RAP1GAP2: variants seen among roughly 807,000 people sequenced by gnomAD.
The protein encoded by RAP1GAP2 is rap1 GTPase-activating protein 2.
In RAP1GAP2, 27 loss-of-function variants were observed where a neutral mutation model predicts 95.0. The ratio of observed to expected loss-of-function variants is 0.28; its 90% CI spans 0.21 to 0.39. RAP1GAP2 has a LOEUF of 0.39. Ranked by LOEUF, RAP1GAP2 falls within the 10% of genes least tolerant of loss-of-function variation. The pLI is 1.00. For synonymous variants in RAP1GAP2, 373 were observed against 380.9 expected (o/e 0.98, Z 0.24); for missense variants, 771 against 970.0 (o/e 0.79, Z 2.72).
At chr17:2,993,953 G>A (rs866716020) in intron 12 of RAP1GAP2, among the ~76,000 whole-genome samples, 5 of 152,188 alleles carry the variant, frequency 3.3e-5, no homozygotes, top group South Asian at 2.1e-4. Context: ...GCTGAGGCGA[G>A]GAGGATCGCT....
intron 2 of RAP1GAP2, among the ~76,000 whole-genome samples, chr17:2,851,542 T>C (rs2071847550): frequency 6.6e-6 from 1 of 152,074 alleles, no homozygotes; most frequent in African/African-American, 2.4e-5. Context: ...GGATGGGACC[T>C]CTCACTGCCA....
intron 2 of RAP1GAP2, among the ~76,000 whole-genome samples, chr17:2,849,365 C>G (rs7216529): frequency 0.39 from 58,819 of 152,048 alleles, 11,851 homozygotes; most frequent in African/African-American, 0.46. Context: ...GGTGGGGCGA[C>G]GAGGTGGCGT....
chr17:2,760,165 A>C (rs1597260376), intron 1 of RAP1GAP2, among the ~76,000 whole-genome samples: 2 of 151,182 alleles, frequency 1.3e-5, no homozygotes, highest in East Asian at 2.0e-4. Context: ...TGGTGGCGGG[A>C]GCCTGTAGTC....
At chr17:2,842,767 C>G (rs560449982) in intron 2 of RAP1GAP2, among the ~76,000 whole-genome samples, 4 of 151,936 alleles carry the variant, frequency 2.6e-5, no homozygotes, top group African/African-American at 4.8e-5. Context: ...GTGTCAGGGC[C>G]GAAGGTGGGT....
chr17:3,010,138 G>A (rs1197366856), intron 17 of RAP1GAP2, among the ~76,000 whole-genome samples: 2 of 151,996 alleles, frequency 1.3e-5, no homozygotes, highest in Non-Finnish European at 2.9e-5. Flanking sequence ...TCAGGAGATC[G>A]AGACCATCCT....
chr17:2,782,317 C>T (rs1227106964), intron 1 of RAP1GAP2, among the ~76,000 whole-genome samples: 16 of 152,206 alleles, frequency 1.1e-4, no homozygotes, highest in Non-Finnish European at 2.4e-4. Flanking sequence ...GTGATGGGCT[C>T]AAGCTCTGAG....
chr17:2,841,014 G>A (rs72817393), intron 2 of RAP1GAP2, among the ~76,000 whole-genome samples: 2,286 of 149,668 alleles, frequency 0.015, 26 homozygotes, highest in Non-Finnish European at 0.024. Context: ...AAAAAGACCG[G>A]TGTGGTGGCT....
intron 2 of RAP1GAP2, among the ~76,000 whole-genome samples, chr17:2,771,604 C>G (rs887621526): frequency 1.3e-5 from 2 of 151,546 alleles, no homozygotes; most frequent in East Asian, 3.9e-4. Context: ...ATTCTCCTGC[C>G]TCAGCCTCCC....
chr17:3,018,924 G>A (rs138606987), intron 18 of RAP1GAP2, among the ~76,000 whole-genome samples: 15 of 152,264 alleles, frequency 9.9e-5, no homozygotes, highest in East Asian at 5.8e-4. Flanking sequence ...TTAACTGGGC[G>A]TGGTGGCGGG....
At chr17:2,835,086 A>T (rs2071073078) in intron 2 of RAP1GAP2, among the ~76,000 whole-genome samples, 1 of 149,156 alleles carries the variant, frequency 6.7e-6, no homozygotes, top group Non-Finnish European at 1.5e-5. Context: ...CACCTGGCTA[A>T]TTTTTTTTTG....
chr17:2,815,983 C>A (rs957210281), intron 2 of RAP1GAP2, among the ~76,000 whole-genome samples: 2 of 152,204 alleles, frequency 1.3e-5, no homozygotes, highest in African/African-American at 4.8e-5. Flanking sequence ...GAAGGGCAGA[C>A]GTGTGTGTAC....
chr17:3,008,272 A>T lies in RAP1GAP2; in HGVS notation c.1494+127A>T, dbSNP rs560419317. ...CAGCTGGAGGGGTGACAGGAAACGT[A>T]TGGGTATCCTAGGTGTTTGCAAAGG... On this transcript the variant is annotated intron_variant, in intron 17 of 24. Transcript: ENST00000254695. The surrounding 1 kb of genome is among the most constrained non-coding windows in gnomAD (Gnocchi z 4.2). 2.2e-6 allele frequency: 3 copies of T among 1,384,956 alleles called. No individual in the cohort carries two copies. The highest frequency in any genetic ancestry group is 3.0e-6 in the Non-Finnish European group (3 of 1,008,870). The allele number at this position is 1,384,956 out of a possible 1,614,324, so 85.8% of individuals were successfully genotyped here.
chr17:2,835,816 TC>T (rs1567694341), intron 2 of RAP1GAP2, among the ~76,000 whole-genome samples: 1 of 152,176 alleles, frequency 6.6e-6, no homozygotes, highest in Non-Finnish European at 1.5e-5. Flanking sequence ...CTTTTTTTAT[TC>T]CCCAACATTT....
chr17:2,998,070 C>T (rs747039338), intron 13 of RAP1GAP2, 151 bp from the exon 14 acceptor site: 1 of 835,638 alleles, frequency 1.2e-6, no homozygotes, highest in Admixed American at 2.4e-5. Context: ...ACTGTGCTTT[C>T]ATACTTAAAC....
intron 2 of RAP1GAP2, among the ~76,000 whole-genome samples, chr17:2,839,994 C>T (rs934849783): frequency 7.9e-5 from 12 of 151,440 alleles, no homozygotes; most frequent in African/African-American, 2.9e-4. Flanking sequence ...AACGGGGTTT[C>T]ACCATGTTGG....
intron 2 of RAP1GAP2, among the ~76,000 whole-genome samples, chr17:2,842,987 G>A (rs1173802577): frequency 2.0e-5 from 3 of 152,072 alleles, no homozygotes; most frequent in Admixed American, 6.6e-5. Flanking sequence ...TAGAGCAGAC[G>A]CCATCCTGAG....
intron 11 of RAP1GAP2, among the ~76,000 whole-genome samples, chr17:2,988,013 T>C (rs2045614894): frequency 6.6e-6 from 1 of 152,190 alleles, no homozygotes; most frequent in Non-Finnish European, 1.5e-5. Context: ...TGAAGGCTGT[T>C]ACTGTTTGCA....
upstream of RAP1GAP2, among the ~76,000 whole-genome samples, chr17:2,792,889 G>A (rs1025994298): frequency 2.6e-5 from 4 of 152,232 alleles, no homozygotes; most frequent in African/African-American, 4.8e-5. Context: ...TGGTCCAGGT[G>A]TTCATAGCTG....
intron 2 of RAP1GAP2, among the ~76,000 whole-genome samples, chr17:2,897,206 C>T (rs951822251): frequency 5.3e-5 from 8 of 151,922 alleles, no homozygotes; most frequent in African/African-American, 7.2e-5. Flanking sequence ...GGCGTGGTGG[C>T]GCGTGCCTGT....
Sources: allele counts gnomAD v4.1 joint callset (sites outside exome capture counted in the v4.1 genomes callset), GRCh38; gene constraint gnomAD v4.1.1; non-coding constraint Gnocchi (gnomAD v3.1); transcripts MANE v1.5; gene names NCBI Gene and HGNC (gene_info 2026-07-23, HGNC 2026-07-21).